The following PRRC2C variants were observed in gnomAD, a reference collection of about 807,000 sequenced individuals.
The protein encoded by PRRC2C is proline rich coiled-coil 2C.
In PRRC2C, 72 loss-of-function variants were observed where a neutral mutation model predicts 317.2. The observed-to-expected ratio is 0.23, with a 90% CI of 0.19 to 0.28. The LOEUF is 0.28. Ranked by LOEUF, PRRC2C falls within the 10% of genes least tolerant of loss-of-function variation. The probability of loss-of-function intolerance (pLI) is 1.00; values close to 1 mark genes in which losing one functional copy is unlikely to be tolerated. For synonymous variants in PRRC2C, 1,296 were observed against 1,205.9 expected (o/e 1.07, Z -1.55); for missense variants, 3,074 against 3,459.7 (o/e 0.89, Z 2.80).
chr1:171,577,613 G>GT lies in PRRC2C; in HGVS notation c.7138dup (p.Tyr2380LeufsTer91), dbSNP rs1457832024. 6.2e-7 allele frequency: 1 copy of GT among 1,613,324 alleles called. No homozygotes were observed. Among genetic ancestry groups the GT allele is most frequent in the Non-Finnish European group, 8.5e-7 (1 of 1,179,558 alleles). Reference sequence around the variant, plus strand: ...TGCCCAGCAGCAACAGAATCCGCAAGTTTATGTGTCTCAGTCTGCAGCAGG... The same window carrying GT: ...TGCCCAGCAGCAACAGAATCCGCAAGTTTTATGTGTCTCAGTCTGCAGCAGG... On this transcript the variant is annotated frameshift_variant, in exon 26 of 35. Transcript: ENST00000647382. LOFTEE classifies it high-confidence loss of function.
At chr1:171,567,175 C>G (rs1331628335) in intron 22 of PRRC2C, among the ~76,000 whole-genome samples, 3 of 152,118 alleles carry the variant, frequency 2.0e-5, no homozygotes, top group African/African-American at 7.2e-5. Flanking sequence ...CTTTATCTTG[C>G]CCACTGGTGA....
intron 10 of PRRC2C, among the ~76,000 whole-genome samples, chr1:171,525,427 A>G (rs1459683504): frequency 3.3e-5 from 5 of 152,226 alleles, no homozygotes; most frequent in Admixed American, 1.3e-4. Flanking sequence ...TGTGCAACAG[A>G]TATTTGATCC....
At chr1:171,577,953 T>TC (rs1433473563) in intron 26 of PRRC2C, among the ~76,000 whole-genome samples, 24 of 125,488 alleles carry the variant, frequency 1.9e-4, no homozygotes, top group Non-Finnish European at 3.1e-4. Flanking sequence ...AATTTTTCTT[T>TC]TTTTTTTTTT....
chr1:171,498,076 C>G (rs935508800), intron 1 of PRRC2C, among the ~76,000 whole-genome samples: 1 of 151,552 alleles, frequency 6.6e-6, no homozygotes, highest in Admixed American at 6.6e-5. Flanking sequence ...ATCCTTCCGC[C>G]TCGGCTTCCG....
At chr1:171,551,445 T>A (rs1477325267) in intron 18 of PRRC2C, among the ~76,000 whole-genome samples, 2 of 152,252 alleles carry the variant, frequency 1.3e-5, no homozygotes, top group African/African-American at 4.8e-5. Flanking sequence ...TCTTTTGCTG[T>A]GCAGAAGCTC....
In PRRC2C at chr1:171,584,071, G is replaced by A. The variant is rs150383051; in HGVS notation, c.7525G>A (p.Gly2509Ser). ...CCAAGAACTTGCCAAGGCACAATCC[G>A]GTCTTGCCTTTCAGCAAACATCAAA... ...QHQELAKAQS[G>S]LAFQQTSNTQ... Residue 2509 changes from glycine (G) to serine (S), a missense_variant, in exon 29 of 35, where the codon GGT becomes AGT. By Grantham distance (56) the Gly-to-Ser change is moderately conservative. Around this residue, in one of 11 missense-constraint regions of PRRC2C, gnomAD observed 490 missense variants for 663.1 expected, o/e 0.74. Coordinates refer to ENST00000647382, the MANE Select transcript of PRRC2C (RefSeq NM_001387844.1). 1.1e-4 allele frequency: 181 copies of A among 1,613,698 alleles called. No individual in the cohort carries two copies. Among genetic ancestry groups the A allele is most frequent in the Non-Finnish European group, 1.3e-4 (155 of 1,179,806 alleles).
intron 5 of PRRC2C, among the ~76,000 whole-genome samples, chr1:171,516,557 A>G (rs1297400665): frequency 1.3e-5 from 2 of 152,212 alleles, no homozygotes; most frequent in Non-Finnish European, 1.5e-5. Context: ...TTAGAAATAG[A>G]TGTGCTGACT....
At chr1:171,503,149 C>T (rs984949125) in intron 1 of PRRC2C, among the ~76,000 whole-genome samples, 1 of 152,170 alleles carries the variant, frequency 6.6e-6, no homozygotes, top group African/African-American at 2.4e-5. Context: ...TGCACAAAAA[C>T]TAGAGGCATT....
rs755635973 is a variant in PRRC2C, at chr1:171,541,721, A to G, written c.4255A>G (p.Arg1419Gly). The G allele has an allele frequency of 1.9e-6, 3 of 1,613,994 alleles. No individual in the cohort carries two copies. Among genetic ancestry groups the G allele is most frequent in the South Asian group, 1.1e-5 (1 of 91,080 alleles). Residue 1419 changes from arginine to glycine, a missense_variant, in exon 16 of 35, where the codon AGA (arginine) becomes GGA (glycine). Physicochemically the swap from Arg to Gly is moderately radical, Grantham distance 125 (BLOSUM62 -2). This residue lies in a region of PRRC2C where 1,320 missense variants were observed against 1,395.7 expected (regional missense o/e 0.95). Coordinates refer to ENST00000647382, the MANE Select transcript of PRRC2C (RefSeq NM_001387844.1). The surrounding 1 kb of genome is among the most constrained non-coding windows in gnomAD (Gnocchi z 4.1). ...ATTTGAGCGAAAATTTGACCCAGCT[A>G]GAGAAAGGCCTCGAAGGCAGCGTCC... ...PKFERKFDPA[R>G]ERPRRQRPTR...
intron 28 of PRRC2C, among the ~76,000 whole-genome samples, chr1:171,583,243 G>C (rs1037249392): frequency 1.3e-5 from 2 of 151,988 alleles, no homozygotes; most frequent in Non-Finnish European, 2.9e-5. Context: ...CAAAGTGCTG[G>C]GATTATGAGC....
chr1:171,516,272 AT>A (rs1180739856), intron 5 of PRRC2C, among the ~76,000 whole-genome samples: 1 of 152,194 alleles, frequency 6.6e-6, no homozygotes, highest in Non-Finnish European at 1.5e-5. Context: ...ATAATGAGGG[AT>A]AGTTTATGTA....
At chr1:171,522,911 G>T in intron 7 of PRRC2C, among the ~76,000 whole-genome samples, 1 of 134,796 alleles carries the variant, frequency 7.4e-6, no homozygotes. Context: ...ACATCCTCTT[G>T]AATTATTTTC....
In PRRC2C at chr1:171,535,972, T is replaced by A. The variant is rs759636498; in HGVS notation, c.2044-57T>A. Reference sequence around the variant, plus strand: ...GCCATTATTTTGTGATATGATTGATTATGTTAATTTGTCATGTGGAACTAA... The same window carrying A: ...GCCATTATTTTGTGATATGATTGATAATGTTAATTTGTCATGTGGAACTAA... On this transcript the variant is annotated intron_variant, in intron 13 of 34. Transcript: ENST00000647382. 30 of 1,530,824 alleles carry A rather than the reference T, an allele frequency of 2.0e-5. No individual in the cohort carries two copies. In the Admixed American group the frequency reaches 3.9e-4, roughly 20 times the overall value. 94.8% of individuals were successfully genotyped at this position (1,530,824 alleles called of 1,614,324 possible).
chr1:171,540,926 C>G lies in PRRC2C; in HGVS notation c.3460C>G (p.Arg1154Gly), dbSNP rs762178605. 6.8e-6 allele frequency: 11 copies of G among 1,613,752 alleles called. No homozygotes were observed. The highest frequency in any genetic ancestry group is 8.5e-6 in the Non-Finnish European group (10 of 1,179,796). ...ISKDLVIERPRPDSRPAVKKE... is the reference protein window; with the variant it reads ...ISKDLVIERPGPDSRPAVKKE... ...CAAAGACCTTGTTATAGAGAGGCCT[C>G]GACCAGATTCAAGACCAGCAGTTAA... is the stretch of plus-strand genomic sequence containing the variant. The change falls in exon 16 of 35, where the codon CGA (arginine) becomes GGA (glycine). Residue 1154 changes from arginine (R) to glycine (G), a missense_variant. This residue lies in a region of PRRC2C where 1,320 missense variants were observed against 1,395.7 expected (regional missense o/e 0.95). Transcript: ENST00000647382.
chr1:171,537,495 A>G, intron 15 of PRRC2C, 22 bp downstream of exon 15: 1 of 1,531,292 alleles, frequency 6.5e-7, no homozygotes, highest in Non-Finnish European at 8.9e-7. Flanking sequence ...TTTCAATTTA[A>G]TAGATGATAC....
At chr1:171,521,270 A>G (rs1324411160) in intron 6 of PRRC2C, among the ~76,000 whole-genome samples, 1 of 152,252 alleles carries the variant, frequency 6.6e-6, no homozygotes, top group Non-Finnish European at 1.5e-5. Context: ...TATTATTTAC[A>G]TAATTTGACT....
At chr1:171,523,081 C>G in intron 7 of PRRC2C, 140 bp from the exon 8 acceptor site, 1 of 710,616 alleles carries the variant, frequency 1.4e-6, no homozygotes, top group Non-Finnish European at 2.2e-6. Context: ...TTTTTTCATA[C>G]ACATGTCCAT....
At chr1:171,533,241 T>G (rs779820709) in intron 12 of PRRC2C, among the ~76,000 whole-genome samples, 1 of 152,210 alleles carries the variant, frequency 6.6e-6, no homozygotes, top group Non-Finnish European at 1.5e-5. Flanking sequence ...CTCCCCCTGC[T>G]TTTTTCTGAC....
intron 15 of PRRC2C, among the ~76,000 whole-genome samples, chr1:171,538,945 C>T (rs1677368626): frequency 6.6e-6 from 1 of 151,536 alleles, no homozygotes; most frequent in Admixed American, 6.6e-5. Context: ...TCCTGGGGCC[C>T]TAGTGATCCT....
Sources: gnomAD v4.1 joint callset for allele counts (sites outside exome capture counted in the v4.1 genomes callset) on GRCh38, gnomAD v4.1.1 for gene constraint, gnomAD v4.1.1 regional missense constraint, Gnocchi (gnomAD v3.1) non-coding constraint, MANE v1.5 for transcripts, NCBI Gene and HGNC (gene_info 2026-07-23, HGNC 2026-07-21) for gene names.